Variants in SPIDR observed in about 807,000 individuals in gnomAD.
SPIDR encodes the protein DNA repair-scaffolding protein.
A neutral mutation model predicts 104.6 loss-of-function variants in SPIDR; 93 were observed. That is an observed-to-expected ratio of 0.89 (90% CI 0.75 to 1.06). The LOEUF is 1.06. Ranked by LOEUF, SPIDR falls within the 50% of genes least tolerant of loss-of-function variation. The pLI, the probability that SPIDR is intolerant of heterozygous loss-of-function variation, is 0.00. For synonymous variants in SPIDR, 431 were observed against 416.9 expected, an observed-to-expected ratio of 1.03 and a Z score of -0.41; for missense variants, 1,154 against 1,111.2, an observed-to-expected ratio of 1.04 and a Z score of -0.55.
chr8:47,500,034 G>A (rs2154370660), intron 8 of SPIDR, among the ~76,000 whole-genome samples: 1 of 152,184 alleles, frequency 6.6e-6, no homozygotes, highest in Non-Finnish European at 1.5e-5. Flanking sequence ...TCTTAATCCA[G>A]TCTATCATTG....
chr8:47,663,774 A>C (rs2074472910), intron 10 of SPIDR, among the ~76,000 whole-genome samples: 1 of 152,218 alleles, frequency 6.6e-6, no homozygotes, highest in African/African-American at 2.4e-5. Flanking sequence ...TTGTTTTCTC[A>C]CACGACACAT....
In SPIDR at chr8:47,735,716, T is replaced by C. The variant is rs2086182198; in HGVS notation, c.*266T>C. On this transcript the variant is annotated 3_prime_UTR_variant, in exon 20 of 20. Transcript: ENST00000297423. ...CACATTGAATCTTAAGTTTAAGCTC[T>C]TCATTTGGTATTTAGGCAATATATG... The C allele has an allele frequency of 3.1e-5, 24 of 785,800 alleles. No homozygotes were observed. Among genetic ancestry groups the C allele is most frequent in the Non-Finnish European group, 4.0e-5 (21 of 519,468 alleles). 48.7% of individuals were successfully genotyped at this position (785,800 alleles called of 1,614,324 possible).
chr8:47,319,463 C>A (rs2046078036), intron 5 of SPIDR, among the ~76,000 whole-genome samples: 1 of 152,142 alleles, frequency 6.6e-6, no homozygotes, highest in Admixed American at 6.6e-5. Context: ...TAGAGACCTA[C>A]AAAGATACTT....
Position 47,587,957 on chromosome 8 carries a change from T to C in SPIDR, c.1098-7854T>C, listed in dbSNP as rs1393971161. Among the ~76,000 whole-genome samples the C allele has an allele frequency of 1.2e-4, 18 of 145,026 alleles. No individual in the cohort carries two copies. In the South Asian group the frequency reaches 3.1e-3, roughly 25 times the overall value. ...AATTAGGGAAAGTGATCTCCTTTACTTCATTCTTTTTCAAAATTGTTTTAG... is the reference window on the plus strand; with the variant it reads ...AATTAGGGAAAGTGATCTCCTTTACCTCATTCTTTTTCAAAATTGTTTTAG... On this transcript the variant is annotated intron_variant, in intron 8 of 19. Transcript: ENST00000297423.
chr8:47,391,141 G>A (rs1272942740), intron 5 of SPIDR, among the ~76,000 whole-genome samples: 1 of 152,122 alleles, frequency 6.6e-6, no homozygotes, highest in Non-Finnish European at 1.5e-5. Context: ...GTGTTCATCT[G>A]GGGTTATGGA....
intron 10 of SPIDR, among the ~76,000 whole-genome samples, chr8:47,640,663 A>AT (rs1455826029): frequency 3.1e-5 from 3 of 96,968 alleles, no homozygotes; most frequent in African/African-American, 4.1e-5. Context: ...TTGAACTGTG[A>AT]TTTTTTGTTT....
At chr8:47,537,038 T>C (rs1297515174) in intron 8 of SPIDR, among the ~76,000 whole-genome samples, 1 of 152,192 alleles carries the variant, frequency 6.6e-6, no homozygotes, top group East Asian at 1.9e-4. Context: ...TCTATTAGAA[T>C]GGCTAACAGT....
intron 11 of SPIDR, among the ~76,000 whole-genome samples, chr8:47,692,807 T>G (rs2078858019): frequency 6.6e-6 from 1 of 152,210 alleles, no homozygotes; most frequent in African/African-American, 2.4e-5. Flanking sequence ...TCAAATTTAT[T>G]TATCCATTCA....
Position 47,599,035 on chromosome 8 carries a change from G to A in SPIDR, c.1383G>A (p.Leu461=). ...AKQRIPTSTP[L]RDSLLDVVES... ...AGCGCATCCCAACCAGCACTCCCCT[G>A]AGGGATTCTCTCCTGGATGTGGTGG... Residue 461 remains leucine, a synonymous_variant, in exon 10 of 20, where the codon CTG becomes CTA. Transcript: ENST00000297423. The A allele has an allele frequency of 6.2e-7, 1 of 1,613,118 alleles. No individual in the cohort carries two copies. The highest frequency in any genetic ancestry group is 8.5e-7 in the Non-Finnish European group (1 of 1,179,516).
intron 10 of SPIDR, among the ~76,000 whole-genome samples, chr8:47,644,939 T>A (rs2070016590): frequency 6.6e-6 from 1 of 152,158 alleles, no homozygotes; most frequent in Admixed American, 6.5e-5. Flanking sequence ...AAGAAAAGGA[T>A]GGACTTGCTG....
chr8:47,581,397 AC>A (rs2059680019), intron 8 of SPIDR, among the ~76,000 whole-genome samples: 1 of 152,210 alleles, frequency 6.6e-6, no homozygotes, highest in East Asian at 1.9e-4. Flanking sequence ...CTAGAATTAA[AC>A]GAGGGCTTTC....
At chr8:47,652,226 TTGGCAGGAAGG>T (rs1303707894) in intron 10 of SPIDR, among the ~76,000 whole-genome samples, 5 of 146,784 alleles carry the variant, frequency 3.4e-5, no homozygotes, top group African/African-American at 1.4e-4. Context: ...TTCTCAAAGG[TTGGCAGGAAGG>T]TTGGCAGGAA....
intron 7 of SPIDR, among the ~76,000 whole-genome samples, chr8:47,434,751 A>G (rs2067976592): frequency 6.6e-6 from 1 of 152,004 alleles, no homozygotes; most frequent in South Asian, 2.1e-4. Flanking sequence ...CTCCCCTCAT[A>G]CTAACTTGCT....
chr8:47,486,203 A>C (rs371813945), intron 8 of SPIDR, among the ~76,000 whole-genome samples: 1 of 152,260 alleles, frequency 6.6e-6, no homozygotes, highest in South Asian at 2.1e-4. Context: ...CTATGTGACA[A>C]ATGCACAAGC....
intron 1 of SPIDR, among the ~76,000 whole-genome samples, chr8:47,276,508 A>T (rs955215474): frequency 1.2e-4 from 18 of 152,360 alleles, no homozygotes; most frequent in Admixed American, 8.5e-4. Flanking sequence ...AATGTAGGTA[A>T]CAAATATACT....
chr8:47,550,151 C>G (rs926322005), intron 8 of SPIDR, among the ~76,000 whole-genome samples: 15 of 152,274 alleles, frequency 9.9e-5, no homozygotes, highest in South Asian at 2.1e-4. Flanking sequence ...CAGTACCATC[C>G]TGTTTTTGTT....
chr8:47,489,093 T>C (rs2078213638), intron 8 of SPIDR, among the ~76,000 whole-genome samples: 1 of 152,010 alleles, frequency 6.6e-6, no homozygotes, highest in African/African-American at 2.4e-5. Context: ...GATTGTATAT[T>C]TAGAAAACCC....
At chr8:47,685,477 TTTTATTTATTTATTTA>T (rs35880765) in intron 11 of SPIDR, among the ~76,000 whole-genome samples, 32 of 131,482 alleles carry the variant, frequency 2.4e-4, no homozygotes, top group African/African-American at 2.9e-4. Context: ...AGGTCAGTGG[TTTTATTTATTTATTTA>T]TTTATTTATT....
intron 5 of SPIDR, among the ~76,000 whole-genome samples, chr8:47,318,279 G>A (rs1554591791): frequency 1.3e-5 from 2 of 152,192 alleles, no homozygotes; most frequent in Non-Finnish European, 2.9e-5. Context: ...ACCACAGCAT[G>A]AGAACTACGT....
Sources: allele counts gnomAD v4.1 joint callset (sites outside exome capture counted in the v4.1 genomes callset), GRCh38; gene constraint gnomAD v4.1.1; transcripts MANE v1.5; gene names NCBI Gene and HGNC (gene_info 2026-07-23, HGNC 2026-07-21).